Variants in CA1 observed in about 807,000 individuals in gnomAD.
CA1 encodes carbonate dehydratase I.
Under a neutral mutation model 28.8 loss-of-function variants are expected in CA1, and 27 were observed. The ratio of observed to expected loss-of-function variants is 0.94; its 90% CI spans 0.69 to 1.29. CA1 has a LOEUF of 1.29. Among genes scored for constraint, CA1 ranks in the 50% most tolerant of loss-of-function variants. CA1 has a pLI of 0.00. For synonymous variants in CA1, 121 were observed against 108.8 expected (o/e 1.11, Z -0.70); for missense variants, 335 against 310.5 (o/e 1.08, Z -0.59).
intron 1 of CA1, among the ~76,000 whole-genome samples, chr8:85,354,871 A>C (rs1039815834): frequency 6.6e-6 from 1 of 152,208 alleles, no homozygotes; most frequent in Non-Finnish European, 1.5e-5. Context: ...GTTAGCTTGA[A>C]TGTCCAACCT....
At chr8:85,364,645 T>C (rs916426849) in intron 1 of CA1, among the ~76,000 whole-genome samples, 1 of 152,198 alleles carries the variant, frequency 6.6e-6, no homozygotes, top group African/African-American at 2.4e-5. Flanking sequence ...TTTAATCAGC[T>C]ACACTGCTAT....
intron 4 of CA1, among the ~76,000 whole-genome samples, chr8:85,335,826 G>A (rs926391734): frequency 8.5e-5 from 13 of 152,122 alleles, no homozygotes; most frequent in Admixed American, 2.0e-4. Context: ...GATTTCTGCA[G>A]CATTGAAAGG....
intron 7 of CA1, 122 bp downstream of exon 7, chr8:85,329,567 G>T: frequency 3.5e-6 from 3 of 865,192 alleles, no homozygotes; most frequent in Non-Finnish European, 5.6e-6. Flanking sequence ...ATATTTTTAA[G>T]TTGGGAGGAA....
intron 1 of CA1, among the ~76,000 whole-genome samples, chr8:85,365,221 T>C (rs2130365867): frequency 6.6e-6 from 1 of 152,324 alleles, no homozygotes; most frequent in Admixed American, 6.5e-5. Flanking sequence ...AAAGGGTGAC[T>C]TCTATGAACT....
At chr8:85,338,566 T>C in intron 2 of CA1, 117 bp from the exon 3 acceptor site, 1 of 800,770 alleles carries the variant, frequency 1.2e-6, no homozygotes, top group Non-Finnish European at 2.2e-6. Flanking sequence ...TATTAAATGA[T>C]ATTCTCTTAA....
intron 1 of CA1, among the ~76,000 whole-genome samples, chr8:85,347,708 T>TCCTATG (rs1809255403): frequency 6.6e-6 from 1 of 152,148 alleles, no homozygotes; most frequent in Non-Finnish European, 1.5e-5. Context: ...CTATGTCTTG[T>TCCTATG]TCATACAAGA....
chr8:85,358,394 G>A (rs940532516), intron 1 of CA1, among the ~76,000 whole-genome samples: 5 of 152,000 alleles, frequency 3.3e-5, no homozygotes, highest in South Asian at 2.1e-4. Context: ...TTTTATAACC[G>A]TCTGAAATTA....
intron 7 of CA1, among the ~76,000 whole-genome samples, chr8:85,329,363 C>T (rs1437767973): frequency 6.6e-6 from 1 of 152,032 alleles, no homozygotes; most frequent in East Asian, 1.9e-4. Flanking sequence ...CCACAATTCC[C>T]CAAAGTCTTA....
chr8:85,336,045 A>G (rs1316274525), intron 4 of CA1, among the ~76,000 whole-genome samples: 2 of 152,316 alleles, frequency 1.3e-5, no homozygotes, highest in East Asian at 1.9e-4. Flanking sequence ...AAAGAAACCA[A>G]TATAACAAAA....
At chr8:85,338,658 TTCTTTC>T in intron 2 of CA1, among the ~76,000 whole-genome samples, 1 of 35,568 alleles carries the variant, frequency 2.8e-5, no homozygotes, top group Non-Finnish European at 6.3e-5. Flanking sequence ...CTTTCTTTCT[TTCTTTC>T]TTTCTTTCTT....
At chr8:85,352,184 T>C (rs1356338735) in intron 1 of CA1, among the ~76,000 whole-genome samples, 1 of 152,230 alleles carries the variant, frequency 6.6e-6, no homozygotes, top group East Asian at 1.9e-4. Context: ...AAGGGGTGGA[T>C]GGAGAAAGTA....
At chr8:85,375,298 C>T (rs1051711603) in intron 1 of CA1, among the ~76,000 whole-genome samples, 1 of 152,150 alleles carries the variant, frequency 6.6e-6, no homozygotes, top group African/African-American at 2.4e-5. Flanking sequence ...AAGAAAGACA[C>T]ATGAAACAGC....
At chr8:85,335,909 T>G (rs1415138490) in intron 4 of CA1, among the ~76,000 whole-genome samples, 2 of 152,202 alleles carry the variant, frequency 1.3e-5, no homozygotes, top group African/African-American at 4.8e-5. Flanking sequence ...TCTATCAGAA[T>G]AGAAGATACA....
intron 1 of CA1, among the ~76,000 whole-genome samples, chr8:85,358,704 G>C (rs1463201311): frequency 6.6e-6 from 1 of 152,108 alleles, no homozygotes; most frequent in Non-Finnish European, 1.5e-5. Context: ...GACTTATTTG[G>C]CCAATGGGAC....
At chr8:85,339,300 C>T (rs1446531934) in intron 2 of CA1, among the ~76,000 whole-genome samples, 2 of 152,128 alleles carry the variant, frequency 1.3e-5, no homozygotes, top group African/African-American at 4.8e-5. Context: ...TGGTAATTCT[C>T]ACAATATTTT....
intron 1 of CA1, among the ~76,000 whole-genome samples, chr8:85,362,360 G>A (rs964183521): frequency 7.2e-5 from 11 of 152,148 alleles, no homozygotes; most frequent in Admixed American, 2.0e-4. Context: ...AGATTCTGGG[G>A]ATTAAGATAT....
At chr8:85,373,518 CA>C (rs1467567081) in intron 1 of CA1, 2 of 152,168 alleles carry the variant, frequency 1.3e-5, no homozygotes, top group Non-Finnish European at 2.9e-5. Context: ...AGACTACATT[CA>C]CATAACTTTT....
In CA1 at chr8:85,370,190, G is replaced by T. The variant is rs1009600734; in HGVS notation, c.-25+7856C>A. ...TACCTGTAATTTATAAGCCCATAAA[G>T]ATTTATGCTTCTTGTATTTTATATG... On this transcript the variant is annotated intron_variant, in intron 1 of 7. Coordinates refer to ENST00000523022, the MANE Select transcript of CA1 (RefSeq NM_001128831.4). 1.4e-4 allele frequency among the ~76,000 whole-genome samples: 22 copies of T among 152,302 alleles called. 1 individual carries two copies. The highest frequency in any genetic ancestry group is 6.8e-3 in the Middle Eastern group (2 of 294).
chr8:85,358,906 T>G (rs1364376544), intron 1 of CA1, among the ~76,000 whole-genome samples: 1 of 152,058 alleles, frequency 6.6e-6, no homozygotes, highest in African/African-American at 2.4e-5. Flanking sequence ...TAAGTCCAGG[T>G]AAAACCAACA....
Sources: gnomAD v4.1 joint callset for allele counts (sites outside exome capture counted in the v4.1 genomes callset) on GRCh38, gnomAD v4.1.1 for gene constraint, MANE v1.5 for transcripts, NCBI Gene and HGNC (gene_info 2026-07-23, HGNC 2026-07-21) for gene names.